Variants in ARL15 observed in about 807,000 individuals in gnomAD.
ARL15 encodes the protein ADP-ribosylation factor-like protein 15.
Under a neutral mutation model 25.2 loss-of-function variants are expected in ARL15, and 19 were observed. The observed-to-expected ratio is 0.75, with a 90% CI of 0.53 to 1.10. ARL15 has a LOEUF of 1.10. Among genes scored for constraint, ARL15 ranks in the 50% least tolerant of loss-of-function variants. The probability of loss-of-function intolerance (pLI) is 0.00; values close to 1 mark genes in which losing one functional copy is unlikely to be tolerated. For missense variants in ARL15, 220 were observed against 246.0 expected, an observed-to-expected ratio of 0.89 and a Z score of 0.71; for synonymous variants, 94 against 86.8, an observed-to-expected ratio of 1.08 and a Z score of -0.46.
rs1010045839 is a variant in ARL15 at position 53,953,439 on chromosome 5, T to C, written c.463-66726A>G. 4.6e-5 allele frequency among the ~76,000 whole-genome samples: 7 copies of C among 152,204 alleles called. 1 individual carries two copies. Among genetic ancestry groups the C allele is most frequent in the South Asian group, 4.1e-4 (2 of 4,830 alleles). ...TGAACTTTTTATACAGCAAAGTAGATTGAGTTGTTTGTATATGCCCTTTCC... is the reference window on the plus strand; with the variant it reads ...TGAACTTTTTATACAGCAAAGTAGACTGAGTTGTTTGTATATGCCCTTTCC... On this transcript the variant is annotated intron_variant, in intron 4 of 4. Transcript: ENST00000504924.
chr5:54,245,752 T>C (rs1159608052), intron 1 of ARL15, among the ~76,000 whole-genome samples: 2 of 152,082 alleles, frequency 1.3e-5, no homozygotes, highest in African/African-American at 4.8e-5. Context: ...CATGCCCAGC[T>C]AATTTTTGTA....
chr5:54,217,205 T>C (rs1056265031), intron 1 of ARL15, among the ~76,000 whole-genome samples: 11 of 151,724 alleles, frequency 7.3e-5, no homozygotes, highest in Non-Finnish European at 2.9e-5. Flanking sequence ...CTTTTCTTTT[T>C]TTTTTTTTTT....
intron 1 of ARL15, among the ~76,000 whole-genome samples, chr5:54,194,328 T>C (rs1002292639): frequency 5.9e-5 from 9 of 152,128 alleles, no homozygotes; most frequent in Admixed American, 6.6e-5. Context: ...GGATAAAAGA[T>C]GATTCAAGCC....
intron 4 of ARL15, among the ~76,000 whole-genome samples, chr5:54,001,053 A>C (rs1446071026): frequency 6.6e-6 from 1 of 152,148 alleles, no homozygotes; most frequent in Admixed American, 6.6e-5. Flanking sequence ...CAGAGGATAA[A>C]ACTTTATATT....
intron 2 of ARL15, among the ~76,000 whole-genome samples, chr5:54,162,063 T>C (rs768274696): frequency 2.0e-4 from 30 of 150,628 alleles, no homozygotes; most frequent in Non-Finnish European, 2.2e-4. Flanking sequence ...ACCAAAAGAA[T>C]TCTGGACCTG....
intron 3 of ARL15, among the ~76,000 whole-genome samples, chr5:54,115,592 G>A (rs1716929719): frequency 6.6e-6 from 1 of 152,108 alleles, no homozygotes; most frequent in African/African-American, 2.4e-5. Context: ...AAGTATAATT[G>A]ACTAAGCCTT....
intron 4 of ARL15, among the ~76,000 whole-genome samples, chr5:53,987,527 T>C (rs1366995892): frequency 6.6e-6 from 1 of 152,106 alleles, no homozygotes; most frequent in South Asian, 2.1e-4. Context: ...ATTTTGAGTA[T>C]CTTATCATCT....
At chr5:54,060,412 GCTA>G (rs1393223804) in intron 4 of ARL15, among the ~76,000 whole-genome samples, 1 of 152,192 alleles carries the variant, frequency 6.6e-6, no homozygotes, top group African/African-American at 2.4e-5. Context: ...AGCAGCCTGG[GCTA>G]CAGAGCGAGA....
intron 1 of ARL15, among the ~76,000 whole-genome samples, chr5:54,239,647 A>G (rs902290664): frequency 6.6e-6 from 1 of 152,198 alleles, no homozygotes; most frequent in Non-Finnish European, 1.5e-5. Context: ...AAAAGAAGTT[A>G]AATTCTAGAA....
At chr5:54,093,995 T>A (rs1302377794) in intron 4 of ARL15, among the ~76,000 whole-genome samples, 1 of 152,208 alleles carries the variant, frequency 6.6e-6, no homozygotes, top group African/African-American at 2.4e-5. Context: ...TGAAGGTTTC[T>A]ATACAGGGTT....
chr5:53,987,302 T>C (rs1333547330), intron 4 of ARL15, among the ~76,000 whole-genome samples: 2 of 147,110 alleles, frequency 1.4e-5, no homozygotes, highest in African/African-American at 5.0e-5. Context: ...AACTTTTAAT[T>C]AAGTCCATCT....
chr5:54,235,425 T>C (rs1756775348), intron 1 of ARL15, among the ~76,000 whole-genome samples: 1 of 152,054 alleles, frequency 6.6e-6, no homozygotes. Context: ...ATCTAATTTA[T>C]GTTTTAAAAA....
intron 4 of ARL15, among the ~76,000 whole-genome samples, chr5:53,991,677 T>C (rs1748503330): frequency 6.6e-6 from 1 of 152,024 alleles, no homozygotes; most frequent in South Asian, 2.1e-4. Flanking sequence ...CACAAAATCT[T>C]CTATAGACAT....
At chr5:54,185,193 G>A (rs546650840) in intron 1 of ARL15, among the ~76,000 whole-genome samples, 10 of 152,174 alleles carry the variant, frequency 6.6e-5, no homozygotes, top group African/African-American at 2.4e-4. Context: ...GCAATCCTAT[G>A]CACCTCCATG....
intron 1 of ARL15, among the ~76,000 whole-genome samples, chr5:54,206,077 A>G (rs1755859828): frequency 6.6e-6 from 1 of 152,182 alleles, no homozygotes; most frequent in Non-Finnish European, 1.5e-5. Context: ...GAAAAACAAA[A>G]CAAACCAAAC....
At chr5:54,280,571 C>T (rs4865813) in intron 1 of ARL15, among the ~76,000 whole-genome samples, 18,146 of 152,224 alleles carry the variant, frequency 0.12, 1,375 homozygotes, top group East Asian at 0.41. Context: ...GCTATAAAGA[C>T]AAACACAAGA....
At chr5:54,152,147 T>C (rs115497061) in intron 3 of ARL15, among the ~76,000 whole-genome samples, 230 of 152,278 alleles carry the variant, frequency 1.5e-3, no homozygotes, top group African/African-American at 5.3e-3. Context: ...CACTGGTGAA[T>C]AAAAGCTTCA....
At chr5:54,277,349 A>G (rs1183085881) in intron 1 of ARL15, among the ~76,000 whole-genome samples, 1 of 152,170 alleles carries the variant, frequency 6.6e-6, no homozygotes, top group African/African-American at 2.4e-5. Flanking sequence ...TAAAAGGATG[A>G]TTTCTACCCA....
chr5:54,019,834 A>AT (rs1408058122), intron 4 of ARL15, among the ~76,000 whole-genome samples: 3 of 152,210 alleles, frequency 2.0e-5, no homozygotes, highest in Admixed American at 6.5e-5. Flanking sequence ...ATCTATTTCC[A>AT]TTTTTTAAAA....
Sources: gnomAD v4.1 joint callset for allele counts (sites outside exome capture counted in the v4.1 genomes callset) on GRCh38, gnomAD v4.1.1 for gene constraint, MANE v1.5 for transcripts, NCBI Gene and HGNC (gene_info 2026-07-23, HGNC 2026-07-21) for gene names.